The following SLC38A8 variants were observed in gnomAD, a reference collection of about 807,000 sequenced individuals.
SLC38A8 encodes solute carrier family 38 member 8, also known as amino acid transporter SLC38A8.
Under a neutral mutation model 46.0 loss-of-function variants are expected in SLC38A8, and 65 were observed. The observed-to-expected ratio is 1.41, with a 90% CI of 1.16 to 1.74. The LOEUF (loss-of-function observed/expected upper bound fraction) is 1.74. Ranked by LOEUF, SLC38A8 falls within the 40% of genes most tolerant of loss-of-function variation. SLC38A8 has a pLI of 0.00. For synonymous variants in SLC38A8, 447 were observed against 243.7 expected (o/e 1.83, Z -7.77); for missense variants, 998 against 567.9 (o/e 1.76, Z -7.70).
chr16:84,012,607 C>T (rs535922925), intron 10 of SLC38A8, among the ~76,000 whole-genome samples: 10 of 152,302 alleles, frequency 6.6e-5, no homozygotes, highest in Admixed American at 3.9e-4. Context: ...CTGGGAACAG[C>T]GACCCACTGC....
chr16:84,032,730 G>A (rs1597272743), intron 4 of SLC38A8, among the ~76,000 whole-genome samples: 1 of 152,208 alleles, frequency 6.6e-6, no homozygotes, highest in Non-Finnish European at 1.5e-5. Flanking sequence ...AATGTCTATT[G>A]TTCATACACA....
At chr16:84,029,398 C>T (rs902135127) in intron 6 of SLC38A8, 96 bp downstream of exon 6, 2 of 1,316,968 alleles carry the variant, frequency 1.5e-6, no homozygotes, top group African/African-American at 2.9e-5. Context: ...TCCTCAGACG[C>T]CTCCCTGACA....
chr16:84,020,399 G>C (rs1362533486), intron 7 of SLC38A8, among the ~76,000 whole-genome samples: 1 of 152,122 alleles, frequency 6.6e-6, no homozygotes, highest in African/African-American at 2.4e-5. Flanking sequence ...TTTCACCTCA[G>C]CCTCCCAAAA....
At chr16:84,023,665 G>A (rs569029452) in intron 6 of SLC38A8, among the ~76,000 whole-genome samples, 5 of 152,120 alleles carry the variant, frequency 3.3e-5, no homozygotes, top group East Asian at 1.9e-4. Flanking sequence ...AGGCCGAAGG[G>A]GGCAGATCAC....
intron 2 of SLC38A8, among the ~76,000 whole-genome samples, chr16:84,037,594 C>T: frequency 6.6e-6 from 1 of 151,996 alleles, no homozygotes; most frequent in East Asian, 1.9e-4. Flanking sequence ...AACCCTGTCC[C>T]TACTAAAAAT....
intron 3 of SLC38A8, among the ~76,000 whole-genome samples, chr16:84,033,971 TAG>T (rs2085274816): frequency 1.3e-5 from 2 of 152,118 alleles, no homozygotes; most frequent in South Asian, 4.1e-4. Flanking sequence ...GGATCGTAGG[TAG>T]AGAGTTAGTA....
chr16:84,042,195 C>T (rs777905443), intron 1 of SLC38A8, 36 bp from the exon 2 acceptor site: 2 of 1,563,758 alleles, frequency 1.3e-6, no homozygotes, highest in Non-Finnish European at 1.7e-6. Context: ...AAAGCACAGT[C>T]TTCACGCTTT....
chr16:84,023,230 TA>T (rs911416209), intron 6 of SLC38A8, among the ~76,000 whole-genome samples: 1 of 151,618 alleles, frequency 6.6e-6, no homozygotes, highest in Admixed American at 6.6e-5. Context: ...CCACCTTATC[TA>T]AAAAAAAGTT....
chr16:84,019,390 C>T (rs1008015585), intron 7 of SLC38A8, among the ~76,000 whole-genome samples: 1 of 152,010 alleles, frequency 6.6e-6, no homozygotes, highest in South Asian at 2.1e-4. Context: ...ATTTTTAACC[C>T]GAAATAATTA....
At chr16:84,013,434 T>TGTTTTTTTTTGTTGTTG (rs1369192369) in intron 9 of SLC38A8, among the ~76,000 whole-genome samples, 1 of 126,986 alleles carries the variant, frequency 7.9e-6, no homozygotes, top group South Asian at 2.7e-4. Flanking sequence ...GTTTTTTTTT[T>TGTTTTTTTTTGTTGTTG]TTTTTTTTTT....
At chr16:84,029,839 G>A (rs559769221) in intron 5 of SLC38A8, among the ~76,000 whole-genome samples, 1 of 152,216 alleles carries the variant, frequency 6.6e-6, no homozygotes, top group African/African-American at 2.4e-5. Context: ...CTTCCCTCTT[G>A]AAGGCTGCTG....
upstream of SLC38A8, among the ~76,000 whole-genome samples, chr16:84,043,160 C>T (rs946079586): frequency 6.6e-6 from 1 of 152,206 alleles, no homozygotes; most frequent in Non-Finnish European, 1.5e-5. Flanking sequence ...TAATCCCATG[C>T]ACACGAGTCA....
intron 3 of SLC38A8, among the ~76,000 whole-genome samples, chr16:84,035,563 C>G (rs936704736): frequency 1.3e-5 from 2 of 152,182 alleles, no homozygotes; most frequent in African/African-American, 4.8e-5. Flanking sequence ...AAATCCCAAG[C>G]CATTCTCAGG....
intron 6 of SLC38A8, among the ~76,000 whole-genome samples, chr16:84,026,031 C>A (rs1458263045): frequency 6.6e-6 from 1 of 152,272 alleles, no homozygotes; most frequent in African/African-American, 2.4e-5. Context: ...GCACCAGCAC[C>A]TCAGCCCCAT....
At chr16:84,024,790 A>G (rs1429170043) in intron 6 of SLC38A8, among the ~76,000 whole-genome samples, 4 of 151,848 alleles carry the variant, frequency 2.6e-5, no homozygotes, top group African/African-American at 9.7e-5. Context: ...CCCGGGCTTA[A>G]GCGACTCTCC....
intron 6 of SLC38A8, among the ~76,000 whole-genome samples, chr16:84,025,903 C>T (rs192087941): frequency 5.1e-4 from 78 of 152,338 alleles, no homozygotes; most frequent in African/African-American, 1.8e-3. Context: ...GCTCTGCCAG[C>T]AGGGGGGACG....
intron 10 of SLC38A8, among the ~76,000 whole-genome samples, chr16:84,010,700 C>T (rs778630339): frequency 1.6e-4 from 25 of 152,158 alleles, no homozygotes; most frequent in African/African-American, 2.2e-4. Context: ...GCCAAGATTG[C>T]ACCACTGCAC....
At chr16:84,024,135 C>G (rs574763035) in intron 6 of SLC38A8, among the ~76,000 whole-genome samples, 1 of 152,258 alleles carries the variant, frequency 6.6e-6, no homozygotes, top group Non-Finnish European at 1.5e-5. Context: ...CCCAAAATGT[C>G]TGCAGACATG....
At chr16:84,038,520 T>A (rs934997485) in intron 2 of SLC38A8, among the ~76,000 whole-genome samples, 1 of 152,200 alleles carries the variant, frequency 6.6e-6, no homozygotes, top group African/African-American at 2.4e-5. Flanking sequence ...TCCCCTGGAA[T>A]ACTCTGGCGT....
Sources: gnomAD v4.1 joint callset for allele counts (sites outside exome capture counted in the v4.1 genomes callset) on GRCh38, gnomAD v4.1.1 for gene constraint, MANE v1.5 for transcripts, NCBI Gene and HGNC (gene_info 2026-07-23, HGNC 2026-07-21) for gene names.